Variants in SOX6 observed in about 807,000 individuals in gnomAD.
SOX6 encodes the protein SRY-box transcription factor 6, also known as transcription factor SOX-6.
Under a neutral mutation model 97.8 loss-of-function variants are expected in SOX6, and 11 were observed. That is an observed-to-expected ratio of 0.11 (90% confidence interval 0.07 to 0.19). The LOEUF is 0.19. Among genes scored for constraint, SOX6 ranks in the 10% least tolerant of loss-of-function variants. The pLI, the probability that SOX6 is intolerant of heterozygous loss-of-function variation, is 1.00. For missense variants in SOX6, 810 were observed against 1,039.5 expected, an observed-to-expected ratio of 0.78 and a Z score of 3.04; for synonymous variants, 360 against 371.4, an observed-to-expected ratio of 0.97 and a Z score of 0.35.
chr11:16,487,556 G>T (rs938286839), intron 4 of SOX6, among the ~76,000 whole-genome samples: 1 of 152,182 alleles, frequency 6.6e-6, no homozygotes, highest in Non-Finnish European at 1.5e-5. Flanking sequence ...ACAAAATGGA[G>T]TAACAGTAGA....
At chr11:15,974,094 AAATTATAGTTG>A (rs1853393023) in intron 15 of SOX6, among the ~76,000 whole-genome samples, 1 of 152,206 alleles carries the variant, frequency 6.6e-6, no homozygotes, top group Non-Finnish European at 1.5e-5. Flanking sequence ...AATGGATAGT[AAATTATAGTTG>A]AATTTGTTTC....
chr11:16,273,314 T>C (rs1329637279), intron 3 of SOX6, among the ~76,000 whole-genome samples: 1 of 151,992 alleles, frequency 6.6e-6, no homozygotes, highest in African/African-American at 2.4e-5. Context: ...GTTATCTTCT[T>C]CATTTTCAAT....
intron 4 of SOX6, among the ~76,000 whole-genome samples, chr11:16,598,846 A>T (rs1848239425): frequency 6.6e-6 from 1 of 151,968 alleles, no homozygotes. Context: ...TATATCAAAG[A>T]TAGACAATTC....
At chr11:16,490,637 A>T (rs1345272546) in intron 4 of SOX6, among the ~76,000 whole-genome samples, 1 of 152,076 alleles carries the variant, frequency 6.6e-6, no homozygotes, top group Admixed American at 6.5e-5. Context: ...ATGATTAAAA[A>T]GTCAATTCAT....
chr11:16,119,084 A>G (rs1382027225), intron 6 of SOX6, among the ~76,000 whole-genome samples: 4 of 152,126 alleles, frequency 2.6e-5, no homozygotes, highest in African/African-American at 9.7e-5. Flanking sequence ...CGAAATGACC[A>G]TATTCATTTT....
chr11:16,633,190 TA>T (rs1028214219), intron 3 of SOX6, among the ~76,000 whole-genome samples: 10 of 152,350 alleles, frequency 6.6e-5, no homozygotes, highest in Middle Eastern at 3.4e-3. Flanking sequence ...ATAGTATTTT[TA>T]ATACTGTAAT....
chr11:15,973,151 ATATC>A (rs1483164826), intron 15 of SOX6, 39 bp from the exon 16 acceptor site: 1 of 1,596,278 alleles, frequency 6.3e-7, no homozygotes, highest in African/African-American at 1.3e-5. Flanking sequence ...CAAGGGAGAA[ATATC>A]TATATATGTG....
At chr11:16,604,433 C>A (rs1190529799) in intron 4 of SOX6, among the ~76,000 whole-genome samples, 1 of 152,188 alleles carries the variant, frequency 6.6e-6, no homozygotes, top group Non-Finnish European at 1.5e-5. Flanking sequence ...CCCTAGTGGG[C>A]GGGAGTAGAG....
chr11:15,979,066 A>ATATATATATATAT (rs1564890454), intron 15 of SOX6, among the ~76,000 whole-genome samples: 3 of 59,864 alleles, frequency 5.0e-5, no homozygotes, highest in South Asian at 4.4e-4. Context: ...TATATATATA[A>ATATATATATATAT]AACTGCTTAT....
intron 4 of SOX6, among the ~76,000 whole-genome samples, chr11:16,500,276 A>T (rs1860681149): frequency 6.6e-6 from 1 of 152,092 alleles, no homozygotes; most frequent in South Asian, 2.1e-4. Context: ...CATGCTAAAA[A>T]CTCTCAATAA....
rs564098184 is a variant in SOX6 at position 15,968,440 on chromosome 11, T to C, written c.*4369A>G. On this transcript the variant is annotated 3_prime_UTR_variant, in exon 16 of 16. Coordinates refer to ENST00000683767, the MANE Select transcript of SOX6 (RefSeq NM_001367873.1). ...ATTCTTTTTCCTCTCCCTAATGAGT[T>C]GGTAGAGGTCAATTCTTTGCAAAAT... is the stretch of plus-strand genomic sequence containing the variant. 1 of 152,296 alleles carries C rather than the reference T, an allele frequency of 6.6e-6. No homozygotes were observed. The highest frequency in any genetic ancestry group is 1.9e-4 in the East Asian group (1 of 5,180). 9.4% of individuals were successfully genotyped at this position (152,296 alleles called of 1,614,324 possible).
intron 9 of SOX6, among the ~76,000 whole-genome samples, chr11:16,079,411 G>T (rs767471804): frequency 1.3e-5 from 2 of 152,082 alleles, no homozygotes; most frequent in African/African-American, 2.4e-5. Flanking sequence ...TTACTAGTTG[G>T]AAATGAACAT....
intron 1 of SOX6, among the ~76,000 whole-genome samples, chr11:16,350,720 T>C (rs1484865513): frequency 3.3e-5 from 5 of 152,154 alleles, no homozygotes; most frequent in Non-Finnish European, 7.3e-5. Context: ...CATAAGCTCA[T>C]GGTAAATGGG....
Position 16,451,722 on chromosome 11 carries a change from A to T in SOX6, c.-5+24593T>A, listed in dbSNP as rs147247433. On this transcript the variant is annotated intron_variant, in intron 1 of 15. Transcript: ENST00000396356. Reference sequence around the variant, plus strand: ...ATTCTGGGTATTGTGCATCCTAATCAACTGTGAAGTAGTCCATTAAAGAAG... The same window carrying T: ...ATTCTGGGTATTGTGCATCCTAATCTACTGTGAAGTAGTCCATTAAAGAAG... Among the ~76,000 whole-genome samples, 109 of 152,196 alleles carry T rather than the reference A, an allele frequency of 7.2e-4. No homozygotes were observed. The East Asian group carries it at 0.017, about 24-fold the overall frequency.
At chr11:16,566,454 G>A (rs1847874724) in intron 4 of SOX6, among the ~76,000 whole-genome samples, 1 of 152,202 alleles carries the variant, frequency 6.6e-6, no homozygotes, top group Non-Finnish European at 1.5e-5. Flanking sequence ...ATTGAAATTT[G>A]GTCAGCCAAG....
chr11:16,198,769 T>C lies in SOX6; in HGVS notation c.536-11814A>G, dbSNP rs367810933. On this transcript the variant is annotated intron_variant, in intron 4 of 15. Transcript: ENST00000683767. ...AGCATCAATGGTCCCAGAAGGATTGTAGAGGGAGCAAATACAGATCTCAAG... is the reference window on the plus strand; with the variant it reads ...AGCATCAATGGTCCCAGAAGGATTGCAGAGGGAGCAAATACAGATCTCAAG... Among the ~76,000 whole-genome samples, 4 of 152,186 alleles carry C rather than the reference T, an allele frequency of 2.6e-5. No homozygotes were observed. The East Asian group carries it at 5.8e-4, about 22-fold the overall frequency.
intron 13 of SOX6, among the ~76,000 whole-genome samples, chr11:16,014,253 G>T (rs1263698461): frequency 6.6e-6 from 1 of 152,078 alleles, no homozygotes; most frequent in Non-Finnish European, 1.5e-5. Flanking sequence ...AAAGGGAAAA[G>T]AAGCGAACAG....
intron 1 of SOX6, among the ~76,000 whole-genome samples, chr11:16,399,631 A>T (rs1038065381): frequency 1.3e-5 from 2 of 151,516 alleles, no homozygotes; most frequent in Non-Finnish European, 3.0e-5. Flanking sequence ...ATCCCAAAGT[A>T]TAGATAAATA....
At chr11:16,000,665 A>G (rs1244249247) in intron 13 of SOX6, among the ~76,000 whole-genome samples, 2 of 152,158 alleles carry the variant, frequency 1.3e-5, no homozygotes, top group Non-Finnish European at 2.9e-5. Flanking sequence ...TGTTGAAGCT[A>G]TCTACATCAA....
Sources: allele counts gnomAD v4.1 joint callset (sites outside exome capture counted in the v4.1 genomes callset), GRCh38; gene constraint gnomAD v4.1.1; transcripts MANE v1.5; gene names NCBI Gene and HGNC (gene_info 2026-07-23, HGNC 2026-07-21).